AGBL1: variants seen among roughly 807,000 people sequenced by gnomAD.
AGBL1 encodes AGBL carboxypeptidase 1, also known as cytosolic carboxypeptidase 4.
A neutral mutation model predicts 118.9 loss-of-function variants in AGBL1; 130 were observed. The ratio of observed to expected loss-of-function variants is 1.09; its 90% CI spans 0.95 to 1.26. AGBL1 has a LOEUF of 1.26. AGBL1 is among the 50% of genes most tolerant of loss of function. The pLI is 0.00. For missense variants in AGBL1, 1,584 were observed against 1,298.1 expected (o/e 1.22, Z -3.38); for synonymous variants, 555 against 478.9 (o/e 1.16, Z -2.08).
chr15:86,515,474 T>C (rs946578203), intron 18 of AGBL1, among the ~76,000 whole-genome samples: 2 of 152,162 alleles, frequency 1.3e-5, no homozygotes, highest in Non-Finnish European at 2.9e-5. Flanking sequence ...CAAAGGTTTC[T>C]ATTTGCTTTA....
At chr15:86,561,693 A>G (rs925149786) in intron 21 of AGBL1, among the ~76,000 whole-genome samples, 6 of 152,218 alleles carry the variant, frequency 3.9e-5, no homozygotes, top group African/African-American at 1.2e-4. Context: ...CTGTGAAGAA[A>G]GTCATTGGTA....
At position 86,179,165 on chromosome 15, in the gene AGBL1, C is replaced by T. The variant is rs1468421245; in HGVS notation, c.488+20139C>T. ...ATTTTGGATCTCCTAAGGCCAGTTC[C>T]TGGAATTGTTTAAGTAAAAGACATG... On this transcript the variant is annotated intron_variant, in intron 5 of 22. Transcript: ENST00000614907. Among the ~76,000 whole-genome samples the T allele has an allele frequency of 2.0e-5, 3 of 152,188 alleles. No individual in the cohort carries two copies. The East Asian group carries it at 5.8e-4, about 29-fold the overall frequency.
At chr15:86,837,367 G>A (rs1287931331) in intron 22 of AGBL1, among the ~76,000 whole-genome samples, 1 of 152,082 alleles carries the variant, frequency 6.6e-6, no homozygotes, top group Non-Finnish European at 1.5e-5. Flanking sequence ...CTGAGTTATT[G>A]TTGTGTATAT....
At chr15:86,787,862 T>G (rs1480162652) in intron 22 of AGBL1, among the ~76,000 whole-genome samples, 1 of 152,208 alleles carries the variant, frequency 6.6e-6, no homozygotes. Flanking sequence ...TTACATCTTT[T>G]TTTTCTTCTT....
At chr15:86,210,349 T>G (rs577702995) in intron 5 of AGBL1, among the ~76,000 whole-genome samples, 1 of 152,320 alleles carries the variant, frequency 6.6e-6, no homozygotes, top group South Asian at 2.1e-4. Flanking sequence ...TTCCTGAATT[T>G]GAATGTTGGC....
At chr15:86,568,962 A>G (rs932472426) in intron 21 of AGBL1, among the ~76,000 whole-genome samples, 3 of 152,070 alleles carry the variant, frequency 2.0e-5, no homozygotes, top group Admixed American at 6.6e-5. Context: ...AATTCCTAGT[A>G]TGAGATACTT....
intron 14 of AGBL1, 88 bp downstream of exon 14, chr15:86,270,155 G>T: frequency 3.4e-6 from 5 of 1,483,836 alleles, no homozygotes; most frequent in Non-Finnish European, 4.5e-6. Flanking sequence ...CTTTGCTTGG[G>T]TTCAGAGGGT....
intron 23 of AGBL1, among the ~76,000 whole-genome samples, chr15:86,938,406 G>A (rs1376871747): frequency 6.6e-6 from 1 of 152,146 alleles, no homozygotes; most frequent in African/African-American, 2.4e-5. Context: ...ATTTGGTAGA[G>A]CTACTAAAAT....
At chr15:86,996,191 G>C (rs1264686312) in intron 24 of AGBL1, among the ~76,000 whole-genome samples, 1 of 152,084 alleles carries the variant, frequency 6.6e-6, no homozygotes, top group African/African-American at 2.4e-5. Context: ...TATACATACA[G>C]AAAGGTGAAC....
At chr15:86,175,318 G>A (rs913851642) in intron 5 of AGBL1, among the ~76,000 whole-genome samples, 1 of 151,986 alleles carries the variant, frequency 6.6e-6, no homozygotes, top group Non-Finnish European at 1.5e-5. Flanking sequence ...GTTCATAATA[G>A]CATCTAATTA....
intron 24 of AGBL1, among the ~76,000 whole-genome samples, chr15:87,004,323 A>C (rs545223978): frequency 3.9e-4 from 59 of 152,286 alleles, no homozygotes; most frequent in African/African-American, 1.2e-3. Flanking sequence ...GGGAGAGTTT[A>C]AGTCTCTTTC....
At chr15:86,312,558 G>A (rs376093294) in intron 17 of AGBL1, among the ~76,000 whole-genome samples, 1 of 152,168 alleles carries the variant, frequency 6.6e-6, no homozygotes, top group African/African-American at 2.4e-5. Flanking sequence ...ACAGATGATC[G>A]CATTAAGAGC....
At chr15:86,233,014 T>C (rs149135862) in intron 6 of AGBL1, among the ~76,000 whole-genome samples, 233 of 152,320 alleles carry the variant, frequency 1.5e-3, no homozygotes, top group Admixed American at 2.9e-3. Flanking sequence ...TCATTCTCAC[T>C]AGAGCCTGTA....
At chr15:86,257,522 G>A (rs373641422) in intron 8 of AGBL1, among the ~76,000 whole-genome samples, 3 of 152,138 alleles carry the variant, frequency 2.0e-5, no homozygotes, top group African/African-American at 4.8e-5. Context: ...TTGCCACAAT[G>A]GTACAAGATG....
At chr15:86,347,702 C>T (rs566766088) in intron 17 of AGBL1, among the ~76,000 whole-genome samples, 1 of 152,260 alleles carries the variant, frequency 6.6e-6, no homozygotes, top group East Asian at 1.9e-4. Flanking sequence ...CCCTTTTCCT[C>T]TTTATATTAA....
intron 22 of AGBL1, among the ~76,000 whole-genome samples, chr15:86,771,611 T>A (rs2078182805): frequency 6.6e-6 from 1 of 152,010 alleles, no homozygotes; most frequent in Non-Finnish European, 1.5e-5. Context: ...TCTCATCGCC[T>A]AAAATTTTTG....
downstream of AGBL1, among the ~76,000 whole-genome samples, chr15:86,919,335 G>T (rs1009471207): frequency 6.6e-6 from 1 of 152,138 alleles, no homozygotes; most frequent in Non-Finnish European, 1.5e-5. Flanking sequence ...ATAAGTCAGT[G>T]ATATTCCCGA....
At chr15:87,004,735 T>G (rs900474381) in intron 24 of AGBL1, among the ~76,000 whole-genome samples, 22 of 152,338 alleles carry the variant, frequency 1.4e-4, no homozygotes, top group African/African-American at 4.8e-4. Flanking sequence ...GTCATTATGA[T>G]GTTAGCTGGT....
At chr15:86,590,820 G>T (rs1011248998) in intron 21 of AGBL1, among the ~76,000 whole-genome samples, 1 of 152,154 alleles carries the variant, frequency 6.6e-6, no homozygotes, top group Non-Finnish European at 1.5e-5. Flanking sequence ...TTTATTTGCT[G>T]GCTCTCTGAC....
Sources: gnomAD v4.1 joint callset for allele counts (sites outside exome capture counted in the v4.1 genomes callset) on GRCh38, gnomAD v4.1.1 for gene constraint, MANE v1.5 for transcripts, NCBI Gene and HGNC (gene_info 2026-07-23, HGNC 2026-07-21) for gene names.